Variants in SNTG1 observed in about 807,000 individuals in gnomAD.
The protein encoded by SNTG1 is syntrophin gamma 1.
Under a neutral mutation model 74.7 loss-of-function variants are expected in SNTG1, and 39 were observed. That is an observed-to-expected ratio of 0.52 (90% confidence interval 0.40 to 0.68). The LOEUF (loss-of-function observed/expected upper bound fraction) is 0.68. Ranked by LOEUF, SNTG1 falls within the 30% of genes least tolerant of loss-of-function variation. The pLI is 0.00. For missense variants in SNTG1, 685 were observed against 609.5 expected, an observed-to-expected ratio of 1.12 and a Z score of -1.30; for synonymous variants, 254 against 217.1, an observed-to-expected ratio of 1.17 and a Z score of -1.49.
chr8:50,153,463 A>C (rs925995874), intron 1 of SNTG1, among the ~76,000 whole-genome samples: 1 of 151,980 alleles, frequency 6.6e-6, no homozygotes, highest in Non-Finnish European at 1.5e-5. Flanking sequence ...GTTCCTTTGG[A>C]GGGGGAGAGG....
chr8:50,606,527 A>G (rs2094813923), intron 13 of SNTG1, among the ~76,000 whole-genome samples: 1 of 152,050 alleles, frequency 6.6e-6, no homozygotes. Context: ...CTACATAAAT[A>G]TAAATATTTT....
chr8:50,754,472 A>T (rs946735971), intron 18 of SNTG1, among the ~76,000 whole-genome samples: 3 of 151,824 alleles, frequency 2.0e-5, no homozygotes, highest in Non-Finnish European at 4.4e-5. Context: ...CCTCTTTGTT[A>T]TATGCCATGT....
intron 18 of SNTG1, among the ~76,000 whole-genome samples, chr8:50,769,119 G>T (rs902221916): frequency 2.0e-5 from 3 of 151,298 alleles, no homozygotes; most frequent in African/African-American, 7.3e-5. Flanking sequence ...CATCAGAATA[G>T]TGAATTTCTC....
In SNTG1 at chr8:50,411,466, G is replaced by A. The variant is rs371441983; in HGVS notation, c.162+9122G>A. Reference sequence around the variant, plus strand: ...CCATCTCAAAAAAAAAAAATAAAAAGACTCCATCTCAAAAAAAAAATAAAA... The same window carrying A: ...CCATCTCAAAAAAAAAAAATAAAAAAACTCCATCTCAAAAAAAAAATAAAA... On this transcript the variant is annotated intron_variant, in intron 4 of 18. Transcript: ENST00000642720. Among the ~76,000 whole-genome samples the A allele has an allele frequency of 4.7e-5, 7 of 148,854 alleles. No individual in the cohort carries two copies. In the East Asian group the frequency reaches 9.9e-4, roughly 21 times the overall value.
intron 2 of SNTG1, among the ~76,000 whole-genome samples, chr8:50,191,717 T>A (rs1181554736): frequency 6.6e-6 from 1 of 152,082 alleles, no homozygotes; most frequent in African/African-American, 2.4e-5. Context: ...GCTAATGCTC[T>A]ACCTCCCCTT....
intron 15 of SNTG1, among the ~76,000 whole-genome samples, chr8:50,675,967 CTT>C (rs2095307979): frequency 6.6e-6 from 1 of 151,784 alleles, no homozygotes; most frequent in African/African-American, 2.4e-5. Context: ...TTCCCAATCT[CTT>C]ATGGCTTGTA....
At chr8:49,923,893 A>G (rs1806787330) in intron 1 of SNTG1, among the ~76,000 whole-genome samples, 1 of 152,196 alleles carries the variant, frequency 6.6e-6, no homozygotes, top group African/African-American at 2.4e-5. Context: ...ATGACTTTTA[A>G]TAAAGTATGT....
chr8:50,548,556 G>A (rs930668508), intron 11 of SNTG1, among the ~76,000 whole-genome samples: 5 of 152,084 alleles, frequency 3.3e-5, no homozygotes, highest in South Asian at 2.1e-4. Flanking sequence ...TAAAGATTCC[G>A]AGCACTGTGC....
chr8:50,133,214 T>TTC (rs2081370769), intron 1 of SNTG1, among the ~76,000 whole-genome samples: 1 of 152,210 alleles, frequency 6.6e-6, no homozygotes, highest in African/African-American at 2.4e-5. Context: ...TTCACCCACA[T>TTC]TCTCTGACAC....
intron 1 of SNTG1, among the ~76,000 whole-genome samples, chr8:49,915,253 G>T (rs1021781430): frequency 1.3e-5 from 2 of 152,124 alleles, no homozygotes; most frequent in African/African-American, 2.4e-5. Flanking sequence ...TGCCTACTTT[G>T]TGGGATACTG....
chr8:49,938,114 G>A (rs1200561763), intron 1 of SNTG1, among the ~76,000 whole-genome samples: 1 of 152,050 alleles, frequency 6.6e-6, no homozygotes, highest in African/African-American at 2.4e-5. Flanking sequence ...CTTATTTTCT[G>A]AAACCCAAAT....
chr8:50,469,872 G>A (rs898142580), intron 8 of SNTG1, among the ~76,000 whole-genome samples: 5 of 152,082 alleles, frequency 3.3e-5, no homozygotes, highest in East Asian at 1.9e-4. Flanking sequence ...CCAGCTACTC[G>A]GGAGGCTGAG....
chr8:50,052,953 T>A (rs1723902203), intron 1 of SNTG1, among the ~76,000 whole-genome samples: 1 of 152,132 alleles, frequency 6.6e-6, no homozygotes, highest in South Asian at 2.1e-4. Flanking sequence ...AACACTCTTA[T>A]ATTGCTGGGG....
At chr8:50,113,320 C>T (rs1415083206) in intron 1 of SNTG1, among the ~76,000 whole-genome samples, 2 of 152,088 alleles carry the variant, frequency 1.3e-5, no homozygotes, top group East Asian at 3.9e-4. Context: ...CTTCACATCC[C>T]TTGTAAGTTG....
intron 10 of SNTG1, among the ~76,000 whole-genome samples, chr8:50,532,856 T>G (rs2094280072): frequency 6.6e-6 from 1 of 152,222 alleles, no homozygotes; most frequent in Non-Finnish European, 1.5e-5. Flanking sequence ...CTGATGTGTG[T>G]TAATTCTCAG....
At chr8:50,624,517 T>G (rs1585879085) in intron 13 of SNTG1, among the ~76,000 whole-genome samples, 1 of 152,218 alleles carries the variant, frequency 6.6e-6, no homozygotes, top group Non-Finnish European at 1.5e-5. Flanking sequence ...CTTGAAATTC[T>G]CGAGAGAATG....
intron 9 of SNTG1, among the ~76,000 whole-genome samples, chr8:50,506,381 A>T (rs954322917): frequency 2.0e-5 from 3 of 152,094 alleles, no homozygotes; most frequent in African/African-American, 7.2e-5. Context: ...TCTGCAAAAT[A>T]ATACCATAGA....
intron 2 of SNTG1, among the ~76,000 whole-genome samples, chr8:50,379,422 G>A (rs2092444675): frequency 6.6e-6 from 1 of 152,164 alleles, no homozygotes. Flanking sequence ...CCGATGGGGG[G>A]TCAGGGGCAG....
intron 1 of SNTG1, among the ~76,000 whole-genome samples, chr8:50,151,020 G>A (rs920626129): frequency 6.6e-6 from 1 of 152,072 alleles, no homozygotes; most frequent in Non-Finnish European, 1.5e-5. Context: ...GGTAGAATTC[G>A]GCTGTGAATC....
Sources: gnomAD v4.1 joint callset for allele counts (sites outside exome capture counted in the v4.1 genomes callset) on GRCh38, gnomAD v4.1.1 for gene constraint, MANE v1.5 for transcripts, NCBI Gene and HGNC (gene_info 2026-07-23, HGNC 2026-07-21) for gene names.